The following DGKB variants were observed in gnomAD, a reference collection of about 807,000 sequenced individuals.
DGKB encodes 90 kDa diacylglycerol kinase.
DGKB carries 67 observed loss-of-function variants against 114.3 expected under a neutral mutation model. That is an observed-to-expected ratio of 0.59 (90% CI 0.48 to 0.72). The LOEUF is 0.72. Among genes scored for constraint, DGKB ranks in the 30% least tolerant of loss-of-function variants. The pLI is 0.00. For missense variants in DGKB, 907 were observed against 975.2 expected, an observed-to-expected ratio of 0.93 and a Z score of 0.93; for synonymous variants, 398 against 323.1, an observed-to-expected ratio of 1.23 and a Z score of -2.49.
chr7:14,967,521 A>G (rs7792076), intron 1 of DGKB, among the ~76,000 whole-genome samples: 48,521 of 151,226 alleles, frequency 0.32, 8,771 homozygotes, highest in East Asian at 0.71. Context: ...AGGTTTCACC[A>G]TGTTGGCCAG....
intron 23 of DGKB, among the ~76,000 whole-genome samples, chr7:14,323,384 T>A (rs1031980486): frequency 6.6e-6 from 1 of 152,140 alleles, no homozygotes; most frequent in Non-Finnish European, 1.5e-5. Flanking sequence ...TGACGGTACA[T>A]ATAAGACATG....
chr7:14,528,173 T>C (rs1790950354), intron 20 of DGKB, among the ~76,000 whole-genome samples: 1 of 152,092 alleles, frequency 6.6e-6, no homozygotes, highest in African/African-American at 2.4e-5. Context: ...TCAAAAATCT[T>C]AAAAGCCAGT....
intron 23 of DGKB, among the ~76,000 whole-genome samples, chr7:14,313,343 G>A (rs1805748314): frequency 6.6e-6 from 1 of 152,054 alleles, no homozygotes; most frequent in African/African-American, 2.4e-5. Flanking sequence ...GGTGATTTCT[G>A]CAATTCCATC....
At chr7:14,428,530 C>A (rs1056178447) in intron 21 of DGKB, among the ~76,000 whole-genome samples, 4 of 152,076 alleles carry the variant, frequency 2.6e-5, no homozygotes, top group Non-Finnish European at 5.9e-5. Flanking sequence ...CTTTTCTCAG[C>A]CTGCTCCTTC....
chr7:14,618,755 T>C (rs940135606), intron 15 of DGKB, among the ~76,000 whole-genome samples: 1 of 151,568 alleles, frequency 6.6e-6, no homozygotes, highest in African/African-American at 2.4e-5. Context: ...ATCATTATGC[T>C]GGTTAGCTGG....
At chr7:14,309,224 A>C (rs1657267463) in intron 23 of DGKB, among the ~76,000 whole-genome samples, 1 of 152,128 alleles carries the variant, frequency 6.6e-6, no homozygotes, top group Non-Finnish European at 1.5e-5. Context: ...TCAAAAGAAA[A>C]AAAAAGTAAA....
intron 23 of DGKB, among the ~76,000 whole-genome samples, chr7:14,180,041 T>C (rs187398473): frequency 6.6e-6 from 1 of 152,248 alleles, no homozygotes; most frequent in Non-Finnish European, 1.5e-5. Context: ...TTCTTAGATA[T>C]ATGTCAACCA....
intron 20 of DGKB, among the ~76,000 whole-genome samples, chr7:14,516,782 A>T (rs1203812470): frequency 6.6e-6 from 1 of 152,124 alleles, no homozygotes; most frequent in African/African-American, 2.4e-5. Flanking sequence ...GGCAGAGACT[A>T]TGCAATGGAA....
chr7:14,613,278 T>C (rs577034727), intron 16 of DGKB, 62 bp downstream of exon 16: 8 of 950,954 alleles, frequency 8.4e-6, no homozygotes, highest in African/African-American at 1.7e-5. Context: ...TTTTACATCA[T>C]AGTTTTGTCT....
intron 20 of DGKB, among the ~76,000 whole-genome samples, chr7:14,550,510 G>C (rs1186294511): frequency 2.0e-5 from 3 of 152,042 alleles, no homozygotes; most frequent in Non-Finnish European, 2.9e-5. Context: ...TCTTCCAAAA[G>C]GATATGAAGT....
chr7:14,673,884 T>C (rs1404883072), intron 12 of DGKB, among the ~76,000 whole-genome samples: 1 of 152,090 alleles, frequency 6.6e-6, no homozygotes, highest in African/African-American at 2.4e-5. Flanking sequence ...GAAAAAAATA[T>C]ACATTTCAAT....
At chr7:14,523,292 A>T (rs1410921679) in intron 20 of DGKB, among the ~76,000 whole-genome samples, 2 of 152,298 alleles carry the variant, frequency 1.3e-5, no homozygotes, top group East Asian at 3.9e-4. Flanking sequence ...CATCATGGAG[A>T]CCACCTATGA....
chr7:14,921,008 T>C (rs974034996), intron 1 of DGKB, among the ~76,000 whole-genome samples: 4 of 152,122 alleles, frequency 2.6e-5, no homozygotes, highest in Non-Finnish European at 2.9e-5. Flanking sequence ...CATAGGTAAA[T>C]TGTGTGTTGT....
chr7:14,905,487 T>C (rs1414891842), upstream of DGKB, among the ~76,000 whole-genome samples: 1 of 152,146 alleles, frequency 6.6e-6, no homozygotes, highest in Non-Finnish European at 1.5e-5. Flanking sequence ...CATCACTAGA[T>C]TTTCAGAAAC....
intron 2 of DGKB, among the ~76,000 whole-genome samples, chr7:14,793,832 A>C (rs1841031225): frequency 6.6e-6 from 1 of 152,112 alleles, no homozygotes; most frequent in Non-Finnish European, 1.5e-5. Flanking sequence ...ATTAGCATCT[A>C]AATCTGTGGA....
At chr7:14,569,459 T>C (rs1029783409) in intron 20 of DGKB, among the ~76,000 whole-genome samples, 2 of 152,186 alleles carry the variant, frequency 1.3e-5, no homozygotes, top group Non-Finnish European at 2.9e-5. Flanking sequence ...TTATATAATA[T>C]GAGGTAGAGT....
chr7:14,565,402 A>C (rs544824120), intron 20 of DGKB, among the ~76,000 whole-genome samples: 1 of 152,216 alleles, frequency 6.6e-6, no homozygotes, highest in Non-Finnish European at 1.5e-5. Flanking sequence ...TAGCATATTA[A>C]GCCACTGAAT....
intron 23 of DGKB, among the ~76,000 whole-genome samples, chr7:14,328,218 C>A (rs535186531): frequency 1.4e-4 from 22 of 152,134 alleles, no homozygotes; most frequent in African/African-American, 5.3e-4. Flanking sequence ...AGTAGGAAAA[C>A]AAGTCAGTGT....
At chr7:14,648,005 G>A (rs553980606) in intron 13 of DGKB, among the ~76,000 whole-genome samples, 2 of 152,374 alleles carry the variant, frequency 1.3e-5, no homozygotes, top group Non-Finnish European at 2.9e-5. Flanking sequence ...CGCCCACGGA[G>A]TCTCGCTGAT....
Sources: gnomAD v4.1 joint callset for allele counts (sites outside exome capture counted in the v4.1 genomes callset) on GRCh38, gnomAD v4.1.1 for gene constraint, MANE v1.5 for transcripts, NCBI Gene and HGNC (gene_info 2026-07-23, HGNC 2026-07-21) for gene names.